The following TTI2 variants were observed in gnomAD, a reference collection of about 807,000 sequenced individuals.
TTI2 encodes the protein TELO2 interacting protein 2.
In TTI2, 26 loss-of-function variants were observed where a neutral mutation model predicts 44.9. The observed-to-expected ratio is 0.58, with a 90% CI of 0.42 to 0.80. The LOEUF is 0.80. Ranked by LOEUF, TTI2 falls within the 30% of genes least tolerant of loss-of-function variation. The pLI, the probability that TTI2 is intolerant of heterozygous loss-of-function variation, is 0.00. For synonymous variants in TTI2, 254 were observed against 250.9 expected, an observed-to-expected ratio of 1.01 and a Z score of -0.12; for missense variants, 582 against 611.6, an observed-to-expected ratio of 0.95 and a Z score of 0.51.
chr8:33,503,499 C>G lies in TTI2; in HGVS notation c.1189G>C (p.Gly397Arg). The change falls in exon 6 of 8, where the codon GGA becomes CGA. Residue 397 changes from glycine (G) to arginine (R), a missense_variant. Gly to Arg is a moderately radical substitution (Grantham distance 125, BLOSUM62 -2). Coordinates refer to ENST00000431156, the MANE Select transcript of TTI2 (RefSeq NM_001102401.4). Reference sequence around the variant, plus strand: ...TTCAGTCTAGCTTCCTCCTCAGGTCCATCATAAACCTCCAGATAACCAATG... The same window carrying G: ...TTCAGTCTAGCTTCCTCCTCAGGTCGATCATAAACCTCCAGATAACCAATG... The part of the protein sequence containing the change: ...VIIGYLEVYD[G>R]PEEEARLKIL... The G allele has an allele frequency of 6.2e-7, 1 of 1,614,076 alleles. No individual in the cohort carries two copies. Among genetic ancestry groups the G allele is most frequent in the East Asian group, 2.2e-5 (1 of 44,876 alleles).
At chr8:33,501,706 A>G (rs1329695381) in intron 6 of TTI2, among the ~76,000 whole-genome samples, 1 of 152,210 alleles carries the variant, frequency 6.6e-6, no homozygotes, top group East Asian at 1.9e-4. Context: ...TCATGGGGAA[A>G]TGTTACTCTG....
rs1287731996 is a variant in TTI2 at position 33,511,961 on chromosome 8, A to G, written c.647+6T>C. 1 of 1,614,146 alleles carries G rather than the reference A, an allele frequency of 6.2e-7. No individual in the cohort carries two copies. Among genetic ancestry groups the G allele is most frequent in the Non-Finnish European group, 8.5e-7 (1 of 1,179,992 alleles). ...CAAGTCGGTGGCAAAGGGCAGGAGTACTCACTTATACAAGTCGGGTTTGAG... is the reference window on the plus strand; with the variant it reads ...CAAGTCGGTGGCAAAGGGCAGGAGTGCTCACTTATACAAGTCGGGTTTGAG... On this transcript the variant is annotated splice_donor_region_variant and intron_variant, in intron 2 of 7. Transcript: ENST00000431156.
intron 4 of TTI2, among the ~76,000 whole-genome samples, chr8:33,504,187 A>G (rs563220751): frequency 2.0e-5 from 3 of 151,902 alleles, no homozygotes; most frequent in African/African-American, 7.2e-5. Context: ...ATAAAATCGG[A>G]AAAATGGCAG....
At chr8:33,506,685 C>T (rs1809308627) in intron 4 of TTI2, among the ~76,000 whole-genome samples, 1 of 142,296 alleles carries the variant, frequency 7.0e-6, no homozygotes, top group Admixed American at 7.2e-5. Context: ...AGCCACAGTG[C>T]CAGGCTTTTT....
At chr8:33,506,726 A>G (rs1346105395) in intron 4 of TTI2, among the ~76,000 whole-genome samples, 1 of 113,992 alleles carries the variant, frequency 8.8e-6, no homozygotes, top group Non-Finnish European at 1.9e-5. Flanking sequence ...GGAGTCTCGC[A>G]CTGTCACCCA....
chr8:33,504,288 C>CTTTTT lies in TTI2; in HGVS notation c.928-354_928-353insAAAAA, dbSNP rs1563352474. Among the ~76,000 whole-genome samples the CTTTTT allele has an allele frequency of 7.9e-4, 44 of 55,724 alleles. 2 individuals are homozygous for CTTTTT. The highest frequency in any genetic ancestry group is 9.7e-4 in the East Asian group (2 of 2,052). The allele number at this position is 55,724 out of a possible 152,430, so 36.6% of individuals were successfully genotyped here. On this transcript the variant is annotated intron_variant, in intron 4 of 7. Transcript: ENST00000431156. ...GACTTAGTGATACATGATATTTACA[C>CTTTTT]ATTTTTTTTTTTTTTTTTTTTTTTT... is the stretch of plus-strand genomic sequence containing the variant.
At chr8:33,504,890 C>A (rs1809240570) in intron 4 of TTI2, among the ~76,000 whole-genome samples, 1 of 152,108 alleles carries the variant, frequency 6.6e-6, no homozygotes, top group Non-Finnish European at 1.5e-5. Flanking sequence ...CCGGCTGTTA[C>A]AATCTGGATT....
rs1013947468 is a variant in TTI2 at position 33,508,760 on chromosome 8, T to A, written c.834+986A>T. ...AAAGCTCCATAGTACAAAGTTTTTT[T>A]AAAAAATTTTTCCTTGAGTAATAGC... On this transcript the variant is annotated intron_variant, in intron 3 of 7. Coordinates refer to ENST00000431156, the MANE Select transcript of TTI2 (RefSeq NM_001102401.4). Among the ~76,000 whole-genome samples, 27 of 152,088 alleles carry A rather than the reference T, an allele frequency of 1.8e-4. 1 individual carries two copies. Among genetic ancestry groups the A allele is most frequent in the South Asian group, 8.3e-4 (4 of 4,820 alleles).
At position 33,503,423 on chromosome 8, in the gene TTI2, T is replaced by A. The variant is rs1809172425; in HGVS notation, c.1259+6A>T. 3.7e-6 allele frequency: 6 copies of A among 1,614,056 alleles called. No individual in the cohort carries two copies. Among genetic ancestry groups the A allele is most frequent in the Non-Finnish European group, 4.2e-6 (5 of 1,180,036 alleles). On this transcript the variant is annotated splice_donor_region_variant and intron_variant, in intron 6 of 7. Coordinates refer to ENST00000431156, the MANE Select transcript of TTI2 (RefSeq NM_001102401.4). The stretch of plus-strand genomic sequence containing the variant: ...GCTGAGTTTTGCACCTTAAGGCTGC[T>A]ATTACCTGGGCCAAGTATGTTGCAT...
intron 6 of TTI2, chr8:33,500,724 C>G (rs577371342): frequency 7.8e-5 from 37 of 472,052 alleles, no homozygotes; most frequent in African/African-American, 6.3e-4. Flanking sequence ...CCACACTGCT[C>G]TCTTCCTTCC....
chr8:33,509,349 C>T (rs925899086), intron 3 of TTI2, among the ~76,000 whole-genome samples: 9 of 148,480 alleles, frequency 6.1e-5, no homozygotes, highest in African/African-American at 1.5e-4. Flanking sequence ...CCCAGCTACT[C>T]GGGAGGCAGA....
chr8:33,509,493 A>G (rs1198119655), intron 3 of TTI2, among the ~76,000 whole-genome samples: 1 of 150,988 alleles, frequency 6.6e-6, no homozygotes, highest in African/African-American at 2.4e-5. Context: ...AAGAAAATCA[A>G]CTGTTGACCA....
At chr8:33,507,723 C>T (rs1329761723) in intron 3 of TTI2, among the ~76,000 whole-genome samples, 1 of 152,012 alleles carries the variant, frequency 6.6e-6, no homozygotes, top group African/African-American at 2.4e-5. Context: ...TGGTGACTCA[C>T]ACCTGTAACC....
At chr8:33,506,372 G>A (rs1809292616) in intron 4 of TTI2, among the ~76,000 whole-genome samples, 1 of 149,276 alleles carries the variant, frequency 6.7e-6, no homozygotes, top group Admixed American at 6.7e-5. Flanking sequence ...ACATAAAGCT[G>A]CCTCCAAAGT....
chr8:33,501,857 C>T (rs999166030), intron 6 of TTI2, among the ~76,000 whole-genome samples: 6 of 152,308 alleles, frequency 3.9e-5, no homozygotes, highest in African/African-American at 1.4e-4. Flanking sequence ...GTTTGGGTTC[C>T]AGTTCCTGAC....
At chr8:33,502,079 G>A (rs1258805586) in intron 6 of TTI2, among the ~76,000 whole-genome samples, 1 of 152,100 alleles carries the variant, frequency 6.6e-6, no homozygotes, top group East Asian at 1.9e-4. Context: ...GAGTAGCTGG[G>A]ACTACAGGTG....
rs1809601615 is a variant in TTI2 at position 33,512,694 on chromosome 8, A to G, written c.-81T>C. 1 of 1,503,004 alleles carries G rather than the reference A, an allele frequency of 6.7e-7. No homozygotes were observed. The highest frequency in any genetic ancestry group is 9.1e-7 in the Non-Finnish European group (1 of 1,100,602). 93.1% of individuals were successfully genotyped at this position (1,503,004 alleles called of 1,614,324 possible). A position where few individuals can be genotyped will look rare whatever the true frequency, so the allele number is the denominator to read the frequency against. ...GGAGGGATCCGTTGAAGAGGGAAGGAGCGATCACCCAAAGAGAACTAAAAT... is the reference window on the plus strand; with the variant it reads ...GGAGGGATCCGTTGAAGAGGGAAGGGGCGATCACCCAAAGAGAACTAAAAT... On this transcript the variant is annotated 5_prime_UTR_variant, in exon 2 of 8. Coordinates refer to ENST00000431156, the MANE Select transcript of TTI2 (RefSeq NM_001102401.4).
At chr8:33,505,591 GCAATTTTCCTGCCTCAGCCTC>G (rs1318555433) in intron 4 of TTI2, among the ~76,000 whole-genome samples, 3 of 151,886 alleles carry the variant, frequency 2.0e-5, no homozygotes, top group African/African-American at 7.3e-5. Flanking sequence ...CTGGGTTCAA[GCAATTTTCCTGCCTCAGCCTC>G]CTGAGTAGCT....
Position 33,500,436 on chromosome 8 carries a change from A to C in TTI2, c.1314T>G (p.Asp438Glu). The C allele has an allele frequency of 1.2e-6, 2 of 1,614,170 alleles. No homozygotes were observed. The highest frequency in any genetic ancestry group is 2.2e-5 in the East Asian group (1 of 44,886). ...GTGTAAGGTTTGGATCCCTTGCTAC[A>C]TCACAAATCAGTTTCAAGAGGGCCT... is the stretch of plus-strand genomic sequence containing the variant. ...LLKALLKLIC[D>E]VARDPNLTPE... The change falls in exon 7 of 8, where the codon GAT becomes GAG. Residue 438 changes from aspartate to glutamate, a missense_variant. Transcript: ENST00000431156.
Sources: allele counts gnomAD v4.1 joint callset (sites outside exome capture counted in the v4.1 genomes callset), GRCh38; gene constraint gnomAD v4.1.1; transcripts MANE v1.5; gene names NCBI Gene and HGNC (gene_info 2026-07-23, HGNC 2026-07-21).